Variants in ADORA1 observed in about 807,000 individuals in gnomAD.
ADORA1 encodes the protein adenosine receptor A1.
In ADORA1, 6 loss-of-function variants were observed where a neutral mutation model predicts 19.9. The ratio of observed to expected loss-of-function variants is 0.30; its 90% CI spans 0.17 to 0.59. ADORA1 has a LOEUF of 0.59. ADORA1 is among the 20% of genes least tolerant of loss of function. The pLI, the probability that ADORA1 is intolerant of heterozygous loss-of-function variation, is 0.87. For missense variants in ADORA1, 302 were observed against 439.2 expected, an observed-to-expected ratio of 0.69 and a Z score of 2.79; for synonymous variants, 194 against 188.4, an observed-to-expected ratio of 1.03 and a Z score of -0.24.
intron 3 of ADORA1, among the ~76,000 whole-genome samples, chr1:203,160,143 T>C (rs2102764378): frequency 6.6e-6 from 1 of 152,368 alleles, no homozygotes; most frequent in East Asian, 1.9e-4. Context: ...TAGAAATTCT[T>C]TTCCTGCTTT....
At chr1:203,161,869 C>T (rs1229388313) in intron 3 of ADORA1, among the ~76,000 whole-genome samples, 1 of 152,196 alleles carries the variant, frequency 6.6e-6, no homozygotes, top group Non-Finnish European at 1.5e-5. Flanking sequence ...GCCACCGCGC[C>T]CGGCCCCCTC....
At chr1:203,140,080 C>G (rs539970379) in intron 3 of ADORA1, among the ~76,000 whole-genome samples, 1 of 152,254 alleles carries the variant, frequency 6.6e-6, no homozygotes, top group South Asian at 2.1e-4. Flanking sequence ...TATATCACCA[C>G]CCGAAAGGGT....
intron 3 of ADORA1, among the ~76,000 whole-genome samples, chr1:203,148,392 A>G (rs2102751781): frequency 6.6e-6 from 1 of 152,350 alleles, no homozygotes; most frequent in South Asian, 2.1e-4. Context: ...GCTCAATGCT[A>G]AATGGTAGCT....
At chr1:203,160,494 G>T (rs72739540) in intron 3 of ADORA1, among the ~76,000 whole-genome samples, 294 of 152,294 alleles carry the variant, frequency 1.9e-3, no homozygotes, top group South Asian at 2.9e-3. Context: ...TTGCGCTGAA[G>T]TATCAATAAA....
Position 203,165,639 on chromosome 1 carries a change from C to T in ADORA1, c.720C>T (p.Leu240=). The part of the protein sequence containing the change: ...LKIAKSLALI[L]FLFALSWLPL... ...TCGCCAAGTCGCTGGCCCTCATCCTCTTCCTCTTTGCCCTCAGCTGGCTGC... is the reference window on the plus strand; with the variant it reads ...TCGCCAAGTCGCTGGCCCTCATCCTTTTCCTCTTTGCCCTCAGCTGGCTGC... The change falls in exon 4 of 4, where the codon CTC becomes CTT. Residue 240 remains leucine (L), a synonymous_variant. Transcript: ENST00000337894. The surrounding 1 kb of genome is among the most constrained non-coding windows in gnomAD (Gnocchi z 5.9). 2 of 1,611,570 alleles carry T rather than the reference C, an allele frequency of 1.2e-6. No homozygotes were observed. Among genetic ancestry groups the T allele is most frequent in the Non-Finnish European group, 1.7e-6 (2 of 1,178,064 alleles).
In ADORA1 at chr1:203,149,627, G is replaced by A. The variant is rs140140392; in HGVS notation, c.342-15634G>A. Among the ~76,000 whole-genome samples the A allele has an allele frequency of 1.1e-4, 16 of 152,346 alleles. No individual in the cohort carries two copies. In the East Asian group the frequency reaches 3.1e-3, roughly 29 times the overall value. ...GTGGCTTGAGATATCGGGGCTGAGT[G>A]GTTGAGGCGGGACCTTCGAGTGGAG... On this transcript the variant is annotated intron_variant, in intron 3 of 3. Transcript: ENST00000337894.
rs1409331464 is a variant in ADORA1 at position 203,165,868 on chromosome 1, G to A, written c.949G>A (p.Glu317Lys). 9 of 1,580,284 alleles carry A rather than the reference G, an allele frequency of 5.7e-6. No individual in the cohort carries two copies. The highest frequency in any genetic ancestry group is 3.4e-4 in the Middle Eastern group (2 of 5,894). ...FRCQPAPPID[E>K]DLPEERPDD ...CTGCCAGCCTGCACCTCCCATTGAC[G>A]AGGATCTCCCAGAAGAGAGGCCTGA... The change falls in exon 4 of 4, where the codon GAG (glutamate) becomes AAG (lysine). Residue 317 changes from glutamate (E) to lysine (K), a missense_variant. By Grantham distance (56) the Glu-to-Lys change is moderately conservative. Coordinates refer to ENST00000337894, the MANE Select transcript of ADORA1 (RefSeq NM_000674.3). This position sits in a 1 kb window ranked among gnomAD's most constrained non-coding sequence, Gnocchi z 5.9.
At chr1:203,146,132 G>C (rs904934481) in intron 3 of ADORA1, among the ~76,000 whole-genome samples, 25 of 151,586 alleles carry the variant, frequency 1.6e-4, no homozygotes, top group Non-Finnish European at 3.4e-4. Flanking sequence ...GGGGAGGGGT[G>C]CCTACATGTT....
intron 3 of ADORA1, among the ~76,000 whole-genome samples, chr1:203,152,292 C>T (rs1655061883): frequency 6.6e-6 from 1 of 152,250 alleles, no homozygotes; most frequent in African/African-American, 2.4e-5. Flanking sequence ...CCTCTGCTCT[C>T]CTGAGCCTGC....
At chr1:203,134,498 G>A (rs1654441874) in intron 3 of ADORA1, among the ~76,000 whole-genome samples, 1 of 152,200 alleles carries the variant, frequency 6.6e-6, no homozygotes, top group South Asian at 2.1e-4. Context: ...CCTTTCAAGT[G>A]TGAAAGCTTC....
intron 3 of ADORA1, among the ~76,000 whole-genome samples, chr1:203,156,860 A>G (rs1461323593): frequency 6.6e-6 from 1 of 152,216 alleles, no homozygotes; most frequent in Non-Finnish European, 1.5e-5. Flanking sequence ...CATCCTTCAG[A>G]AGGACCCCAC....
chr1:203,143,764 T>C (rs1315528544), intron 3 of ADORA1, among the ~76,000 whole-genome samples: 2 of 152,222 alleles, frequency 1.3e-5, no homozygotes, highest in African/African-American at 4.8e-5. Flanking sequence ...TCCTTCTTGA[T>C]GTAGAACGAA....
intron 3 of ADORA1, among the ~76,000 whole-genome samples, chr1:203,135,606 T>A (rs1459119704): frequency 6.6e-6 from 1 of 150,686 alleles, no homozygotes; most frequent in Non-Finnish European, 1.5e-5. Flanking sequence ...TGCAGTGAGC[T>A]GAGATCATGC....
chr1:203,139,363 C>T (rs1395404540), intron 3 of ADORA1, among the ~76,000 whole-genome samples: 1 of 152,144 alleles, frequency 6.6e-6, no homozygotes, highest in East Asian at 1.9e-4. Flanking sequence ...CCTGATTCTT[C>T]CCATTTTCGT....
At chr1:203,160,067 T>C (rs17464968) in intron 3 of ADORA1, among the ~76,000 whole-genome samples, 6,284 of 152,308 alleles carry the variant, frequency 0.041, 182 homozygotes, top group South Asian at 0.076. Flanking sequence ...CCTCACGTGT[T>C]CTCCATCTCC....
chr1:203,143,234 G>A (rs915401131), intron 3 of ADORA1, among the ~76,000 whole-genome samples: 15 of 152,250 alleles, frequency 9.9e-5, no homozygotes, highest in Admixed American at 6.5e-4. Flanking sequence ...TCCTTGCTGC[G>A]TCACAGTGGA....
At chr1:203,150,341 T>C (rs1057074488) in intron 3 of ADORA1, among the ~76,000 whole-genome samples, 1 of 152,194 alleles carries the variant, frequency 6.6e-6, no homozygotes, top group African/African-American at 2.4e-5. Flanking sequence ...GATGCTAAAC[T>C]CTTCTGTGTG....
At chr1:203,138,380 G>A (rs1377439786) in intron 3 of ADORA1, among the ~76,000 whole-genome samples, 2 of 152,162 alleles carry the variant, frequency 1.3e-5, no homozygotes, top group Non-Finnish European at 2.9e-5. Context: ...GGCTGGATGA[G>A]ATCCCCAAGA....
At chr1:203,151,348 T>C (rs1466458614) in intron 3 of ADORA1, among the ~76,000 whole-genome samples, 1 of 152,162 alleles carries the variant, frequency 6.6e-6, no homozygotes, top group Admixed American at 6.5e-5. Context: ...ACTCAGACAC[T>C]TTCATCAGAT....
Sources: allele counts gnomAD v4.1 joint callset (sites outside exome capture counted in the v4.1 genomes callset), GRCh38; gene constraint gnomAD v4.1.1; non-coding constraint Gnocchi (gnomAD v3.1); transcripts MANE v1.5; gene names NCBI Gene and HGNC (gene_info 2026-07-23, HGNC 2026-07-21).